The following NKAIN1 variants were observed in gnomAD, a reference collection of about 807,000 sequenced individuals.
NKAIN1 encodes the protein sodium/potassium-transporting ATPase subunit beta-1-interacting protein 1.
NKAIN1 carries 13 observed loss-of-function variants against 31.6 expected under a neutral mutation model. The ratio of observed to expected loss-of-function variants is 0.41; its 90% CI spans 0.27 to 0.65. The LOEUF is 0.65. Ranked by LOEUF, NKAIN1 falls within the 30% of genes least tolerant of loss-of-function variation. The pLI, the probability that NKAIN1 is intolerant of heterozygous loss-of-function variation, is 0.30. For missense variants in NKAIN1, 193 were observed against 262.2 expected, an observed-to-expected ratio of 0.74 and a Z score of 1.82; for synonymous variants, 104 against 109.0, an observed-to-expected ratio of 0.95 and a Z score of 0.28.
chr1:31,202,995 CA>C lies in NKAIN1; in HGVS notation c.55-14809del, dbSNP rs1169336614. 3.7e-4 allele frequency among the ~76,000 whole-genome samples: 33 copies of C among 89,356 alleles called. 1 individual carries two copies. The highest frequency in any genetic ancestry group is 1.1e-3 in the South Asian group (3 of 2,784). 58.6% of individuals were successfully genotyped at this position (89,356 alleles called of 152,430 possible). On this transcript the variant is annotated intron_variant, in intron 1 of 6. Coordinates refer to ENST00000373736, the MANE Select transcript of NKAIN1 (RefSeq NM_024522.3). ...CGTCTTAAAAAAAAAAAAAAAAGGC[CA>C]GGGGCAGTGGCTCACGCGGGTAATC...
intron 1 of NKAIN1, among the ~76,000 whole-genome samples, chr1:31,192,567 T>C (rs1420691604): frequency 6.6e-6 from 1 of 152,106 alleles, no homozygotes; most frequent in Non-Finnish European, 1.5e-5. Flanking sequence ...TTTTTTTTTT[T>C]TGAGATGGAG....
Position 31,181,325 on chromosome 1 carries a change from C to G in NKAIN1, c.*378G>C, listed in dbSNP as rs887061982. 4 of 218,652 alleles carry G rather than the reference C, an allele frequency of 1.8e-5. No homozygotes were observed. The highest frequency in any genetic ancestry group is 3.6e-5 in the Non-Finnish European group (4 of 112,034). The allele number at this position is 218,652 out of a possible 1,614,324, so 13.5% of individuals were successfully genotyped here. ...GTGAGTGTGGTGGGATGGGATGGGT[C>G]TGATGTCCTGCTGTTTTTGGACAGG... is the stretch of plus-strand genomic sequence containing the variant. On this transcript the variant is annotated 3_prime_UTR_variant, in exon 7 of 7. Coordinates refer to ENST00000373736, the MANE Select transcript of NKAIN1 (RefSeq NM_024522.3).
At chr1:31,228,132 G>A (rs978868706) in intron 1 of NKAIN1, among the ~76,000 whole-genome samples, 1 of 152,158 alleles carries the variant, frequency 6.6e-6, no homozygotes, top group African/African-American at 2.4e-5. Context: ...TAGATTACAC[G>A]CCTATTATGA....
chr1:31,239,104 C>T lies in NKAIN1; in HGVS notation c.54+390G>A, dbSNP rs1465426160. Among the ~76,000 whole-genome samples the T allele has an allele frequency of 6.6e-6, 1 of 152,066 alleles. No individual in the cohort carries two copies. The highest frequency in any genetic ancestry group is 2.1e-4 in the South Asian group (1 of 4,824). ...AGAGGAAGGGAGAGACCCATGCAAA[C>T]GAGGGATCTAGAGGGAAACACACAG... On this transcript the variant is annotated intron_variant, in intron 1 of 6. Coordinates refer to ENST00000373736, the MANE Select transcript of NKAIN1 (RefSeq NM_024522.3). This position sits in a 1 kb window ranked among gnomAD's most constrained non-coding sequence, Gnocchi z 4.8.
chr1:31,204,329 A>C (rs1053194950), intron 1 of NKAIN1, among the ~76,000 whole-genome samples: 6 of 152,140 alleles, frequency 3.9e-5, no homozygotes, highest in African/African-American at 1.2e-4. Flanking sequence ...GTGGGAGACC[A>C]GGAGGAGATG....
rs118030597 is a variant in NKAIN1, at chr1:31,207,879, T to C, written c.55-19692A>G. On this transcript the variant is annotated intron_variant, in intron 1 of 6. Coordinates refer to ENST00000373736, the MANE Select transcript of NKAIN1 (RefSeq NM_024522.3). ...AGAAGTGTCATTTTACATACATGGA[T>C]ACTGAGGCCCAGGGAGGTGAAGTAA... Among the ~76,000 whole-genome samples the C allele has an allele frequency of 1.0e-3, 158 of 152,224 alleles. 1 individual carries two copies. In the East Asian group the frequency reaches 0.027, roughly 26 times the overall value.
chr1:31,189,315 A>C (rs953085979), intron 1 of NKAIN1, among the ~76,000 whole-genome samples: 2 of 152,078 alleles, frequency 1.3e-5, no homozygotes, highest in African/African-American at 4.8e-5. Flanking sequence ...TTATTTCTAA[A>C]TATTTATTAT....
Position 31,233,827 on chromosome 1 carries a change from G to A in NKAIN1, c.54+5667C>T, listed in dbSNP as rs1338610341. 1.3e-5 allele frequency among the ~76,000 whole-genome samples: 2 copies of A among 152,192 alleles called. No homozygotes were observed. The highest frequency in any genetic ancestry group is 6.5e-5 in the Admixed American group (1 of 15,278). Reference sequence around the variant, plus strand: ...GAATTCCCCAAACTGCCATGGGCTCGTTCGTGGGGTAGAAGCTGTTTTTCT... The same window carrying A: ...GAATTCCCCAAACTGCCATGGGCTCATTCGTGGGGTAGAAGCTGTTTTTCT... On this transcript the variant is annotated intron_variant, in intron 1 of 6. Transcript: ENST00000373736. This position sits in a 1 kb window ranked among gnomAD's most constrained non-coding sequence, Gnocchi z 4.0.
At chr1:31,237,520 GAC>G in intron 1 of NKAIN1, among the ~76,000 whole-genome samples, 1 of 148,054 alleles carries the variant, frequency 6.8e-6, no homozygotes, top group African/African-American at 2.5e-5. Context: ...TTTTTTTTGA[GAC>G]ACAGTTTCAC....
At chr1:31,216,113 G>A (rs995386471) in intron 1 of NKAIN1, among the ~76,000 whole-genome samples, 5 of 151,292 alleles carry the variant, frequency 3.3e-5, no homozygotes, top group African/African-American at 9.8e-5. Context: ...CCTCTATCTC[G>A]CAGGCAGGCT....
intron 1 of NKAIN1, among the ~76,000 whole-genome samples, chr1:31,219,848 C>A (rs895382823): frequency 5.9e-5 from 9 of 152,084 alleles, no homozygotes; most frequent in African/African-American, 2.2e-4. Flanking sequence ...TCCCACTTGC[C>A]CATCTGTAAA....
intron 1 of NKAIN1, among the ~76,000 whole-genome samples, chr1:31,229,823 G>A (rs182020396): frequency 1.3e-5 from 2 of 152,232 alleles, no homozygotes; most frequent in East Asian, 3.9e-4. Flanking sequence ...AAGAGAAGGA[G>A]CTCATTACTG....
chr1:31,218,968 TG>T (rs1320397312), intron 1 of NKAIN1, among the ~76,000 whole-genome samples: 2 of 152,232 alleles, frequency 1.3e-5, no homozygotes, highest in African/African-American at 4.8e-5. Context: ...CACCCGAGGC[TG>T]ATCAGACACC....
At position 31,185,329 on chromosome 1, in the gene NKAIN1, T is replaced by C. The variant is rs1296402468; in HGVS notation, c.193-2A>G. ...CCAGAGCACCAGCCAGGCTGCATAC[T>C]GGGGAAAGCAGAGGTGGGATCAGGG... On this transcript the variant is annotated splice_acceptor_variant, in intron 2 of 6. Transcript: ENST00000373736. LOFTEE classifies it high-confidence loss of function. The C allele has an allele frequency of 6.2e-7, 1 of 1,604,830 alleles. No homozygotes were observed. Among genetic ancestry groups the C allele is most frequent in the Non-Finnish European group, 8.5e-7 (1 of 1,175,260 alleles).
At chr1:31,185,427 GA>G (rs1645234960) in intron 2 of NKAIN1, 100 bp from the exon 3 acceptor site, 1 of 876,880 alleles carries the variant, frequency 1.1e-6, no homozygotes, top group Non-Finnish European at 1.8e-6. Flanking sequence ...CTGGGCAGGG[GA>G]AATTATGAGA....
At chr1:31,202,130 G>A (rs990400850) in intron 1 of NKAIN1, among the ~76,000 whole-genome samples, 1 of 152,138 alleles carries the variant, frequency 6.6e-6, no homozygotes, top group Non-Finnish European at 1.5e-5. Flanking sequence ...GCAGCAGCAG[G>A]CTCCTGGCCT....
intron 1 of NKAIN1, 161 bp from the exon 2 acceptor site, chr1:31,188,348 C>T: frequency 1.3e-6 from 1 of 744,256 alleles, no homozygotes; most frequent in Non-Finnish European, 2.1e-6. Flanking sequence ...CTGGGGGGTC[C>T]TTAAGCCTGA....
At position 31,232,461 on chromosome 1, in the gene NKAIN1, A is replaced by AGAGAGAGAGAGAGG. The variant is rs1557664534; in HGVS notation, c.54+7032_54+7033insCCTCTCTCTCTCTC. 2.7e-4 allele frequency among the ~76,000 whole-genome samples: 34 copies of AGAGAGAGAGAGAGG among 124,384 alleles called. 1 individual carries two copies. Among genetic ancestry groups the AGAGAGAGAGAGAGG allele is most frequent in the African/African-American group, 9.6e-4 (31 of 32,142 alleles). 81.6% of individuals were successfully genotyped at this position (124,384 alleles called of 152,430 possible). A position where few individuals can be genotyped will look rare whatever the true frequency, so the allele number is the denominator to read the frequency against. On this transcript the variant is annotated intron_variant, in intron 1 of 6. Coordinates refer to ENST00000373736, the MANE Select transcript of NKAIN1 (RefSeq NM_024522.3). Reference sequence around the variant, plus strand: ...GAGAGAGAGAGAGAGAGAGAGAGAGAGAGAGAGAGAGTGGGGGAGGTCTCA... The same window carrying AGAGAGAGAGAGAGG: ...GAGAGAGAGAGAGAGAGAGAGAGAGAGAGAGAGAGAGAGGGAGAGAGAGAGTGGGGGAGGTCTCA...
chr1:31,193,260 G>A (rs915549714), intron 1 of NKAIN1, among the ~76,000 whole-genome samples: 5 of 149,488 alleles, frequency 3.3e-5, no homozygotes, highest in African/African-American at 1.2e-4. Context: ...AGTAGAGACG[G>A]GTTTTCACCA....
Sources: allele counts gnomAD v4.1 joint callset (sites outside exome capture counted in the v4.1 genomes callset), GRCh38; gene constraint gnomAD v4.1.1; non-coding constraint Gnocchi (gnomAD v3.1); transcripts MANE v1.5; gene names NCBI Gene and HGNC (gene_info 2026-07-23, HGNC 2026-07-21).